The following ARAP1 variants were observed in gnomAD, a reference collection of about 807,000 sequenced individuals.
The protein encoded by ARAP1 is ArfGAP with RhoGAP domain, ankyrin repeat and PH domain 1, also known as arf-GAP with Rho-GAP domain, ANK repeat and PH domain-containing protein 1.
In ARAP1, 76 loss-of-function variants were observed where a neutral mutation model predicts 172.2. That is an observed-to-expected ratio of 0.44 (90% CI 0.37 to 0.53). The LOEUF (loss-of-function observed/expected upper bound fraction) is 0.53, where lower values mean the gene tolerates loss of function less well. Ranked by LOEUF, ARAP1 falls within the 20% of genes least tolerant of loss-of-function variation. The pLI, the probability that ARAP1 is intolerant of heterozygous loss-of-function variation, is 0.00. For missense variants in ARAP1, 1,686 were observed against 1,977.5 expected (o/e 0.85, Z 2.80); for synonymous variants, 804 against 803.3 (o/e 1.00, Z -0.01).
At chr11:72,703,138 G>T in intron 14 of ARAP1, 59 bp from the exon 15 acceptor site, 1 of 1,454,896 alleles carries the variant, frequency 6.9e-7, no homozygotes, top group Non-Finnish European at 9.1e-7. Flanking sequence ...CAAGGAAAGG[G>T]GCTACGGGGG....
At chr11:72,715,321 C>T (rs1346710487) in intron 3 of ARAP1, among the ~76,000 whole-genome samples, 1 of 152,102 alleles carries the variant, frequency 6.6e-6, no homozygotes, top group Admixed American at 6.5e-5. Flanking sequence ...CCAGCTGTCT[C>T]TGCCAGTGCC....
intron 1 of ARAP1, among the ~76,000 whole-genome samples, chr11:72,747,427 C>T (rs1323182563): frequency 2.6e-5 from 4 of 152,130 alleles, no homozygotes; most frequent in Non-Finnish European, 5.9e-5. Flanking sequence ...GTAGCAAAGC[C>T]CCAGCATCCC....
chr11:72,692,963 T>C, intron 29 of ARAP1, 178 bp from the exon 30 acceptor site: 1 of 786,558 alleles, frequency 1.3e-6, no homozygotes, highest in Non-Finnish European at 2.1e-6. Context: ...GGGAGAAGGG[T>C]GGCCCGGGAG....
intron 1 of ARAP1, among the ~76,000 whole-genome samples, chr11:72,737,557 T>A (rs1271395934): frequency 2.6e-5 from 4 of 151,824 alleles, no homozygotes; most frequent in South Asian, 2.1e-4. Flanking sequence ...CTTCCTTCTT[T>A]CCCTAAATGC....
rs778297159 is a variant in ARAP1, at chr11:72,710,390, G to C, written c.1411C>G (p.Leu471Val). The change falls in exon 10 of 35, where the codon CTA becomes GTA. Residue 471 changes from leucine (L) to valine (V), a missense_variant. Physicochemically the swap from Leu to Val is conservative, Grantham distance 32 (BLOSUM62 1). Coordinates refer to ENST00000393609, the MANE Select transcript of ARAP1 (RefSeq NM_001040118.3). This position sits in a 1 kb window ranked among gnomAD's most constrained non-coding sequence, Gnocchi z 4.3. ...VGDKVQLYKN[L>V]EEYHLGIGIT... ...GTTCCATGACCCCTTAGCACCTCTA[G>C]ATTCTTGTAGAGCTGCACTTTGTCC... The C allele has an allele frequency of 7.4e-6, 12 of 1,613,886 alleles. No individual in the cohort carries two copies. In the South Asian group the frequency reaches 1.1e-4, roughly 15 times the overall value.
chr11:72,709,951 G>A lies in ARAP1; in HGVS notation c.1442C>T (p.Thr481Ile), dbSNP rs375471463. Residue 481 changes from threonine to isoleucine, a missense_variant, in exon 11 of 35, where the codon ACC becomes ATC. Physicochemically the swap from Thr to Ile is moderately conservative, Grantham distance 89 (BLOSUM62 -1). Around this residue, in one of 5 missense-constraint regions of ARAP1, gnomAD observed 688 missense variants for 856.9 expected, o/e 0.80. Coordinates refer to ENST00000393609, the MANE Select transcript of ARAP1 (RefSeq NM_001040118.3). ...GTTGCCCACGCTCATGTCGATGAAGGTGATGCCAATGCCCAGGTGGTACTC... is the reference window on the plus strand; with the variant it reads ...GTTGCCCACGCTCATGTCGATGAAGATGATGCCAATGCCCAGGTGGTACTC... ...LEEYHLGIGI[T>I]FIDMSVGNVK... is the part of the protein sequence containing the mutation. 2 of 1,614,022 alleles carry A rather than the reference G, an allele frequency of 1.2e-6. No individual in the cohort carries two copies. The highest frequency in any genetic ancestry group is 1.3e-5 in the African/African-American group (1 of 74,906).
In ARAP1 at chr11:72,693,856, C is replaced by T. The variant is rs746111560; in HGVS notation, c.3695-51G>A. 2 of 1,468,258 alleles carry T rather than the reference C, an allele frequency of 1.4e-6. No homozygotes were observed. Among genetic ancestry groups the T allele is most frequent in the South Asian group, 1.2e-5 (1 of 80,770 alleles). The allele number at this position is 1,468,258 out of a possible 1,614,324, so 91.0% of individuals were successfully genotyped here. A position where few individuals can be genotyped will look rare whatever the true frequency, so the allele number is the denominator to read the frequency against. ...ACTGGGACCACATGGCCCGATACCA[C>T]CAAAGGCTGGCAGATGGGCACATAT... On this transcript the variant is annotated intron_variant, in intron 27 of 34. Coordinates refer to ENST00000393609, the MANE Select transcript of ARAP1 (RefSeq NM_001040118.3). This position sits in a 1 kb window ranked among gnomAD's most constrained non-coding sequence, Gnocchi z 4.6.
intron 1 of ARAP1, among the ~76,000 whole-genome samples, chr11:72,751,466 T>C (rs1166891245): frequency 1.3e-5 from 2 of 152,038 alleles, no homozygotes; most frequent in Admixed American, 6.5e-5. Context: ...CCTGTGATGA[T>C]CTTGCTGGGC....
intron 12 of ARAP1, 21 bp downstream of exon 12, chr11:72,707,154 C>A: frequency 5.9e-6 from 9 of 1,537,458 alleles, no homozygotes; most frequent in Non-Finnish European, 7.0e-6. Context: ...CTGCCTGGTG[C>A]CCCGACCCCC....
chr11:72,692,029 C>T (rs756446545), intron 30 of ARAP1, among the ~76,000 whole-genome samples: 2 of 152,162 alleles, frequency 1.3e-5, no homozygotes, highest in African/African-American at 2.4e-5. Flanking sequence ...AATGCTCACT[C>T]GCCCGATGTT....
chr11:72,709,756 C>T (rs1230144046), intron 11 of ARAP1, 114 bp downstream of exon 11: 26 of 1,084,398 alleles, frequency 2.4e-5, no homozygotes, highest in Admixed American at 3.5e-5. Flanking sequence ...TGGGGCAGGG[C>T]GGGGCAGGGT....
At chr11:72,697,294 G>A (rs1400141416) in intron 21 of ARAP1, 29 bp downstream of exon 21, 2 of 1,574,960 alleles carry the variant, frequency 1.3e-6, no homozygotes, top group Non-Finnish European at 1.7e-6. Context: ...CGGGAGGGGC[G>A]GGGCTGGCAC....
In ARAP1 at chr11:72,699,267, C is replaced by T; in HGVS notation, c.2438+150G>A. ...TGGTGGAAAAGTCTTGGGCTGGGGC[C>T]TCAAGAGACTGGAGTCGGCCCTTGT... On this transcript the variant is annotated intron_variant, in intron 17 of 34. Transcript: ENST00000393609. The surrounding 1 kb of genome is among the most constrained non-coding windows in gnomAD (Gnocchi z 4.2). 7.1e-7 allele frequency: 1 copy of T among 1,408,398 alleles called. No homozygotes were observed. The highest frequency in any genetic ancestry group is 2.1e-4 in the Middle Eastern group (1 of 4,766). The allele number at this position is 1,408,398 out of a possible 1,614,324, so 87.2% of individuals were successfully genotyped here.
chr11:72,730,098 T>A (rs1039919189), intron 2 of ARAP1, among the ~76,000 whole-genome samples: 1 of 152,100 alleles, frequency 6.6e-6, no homozygotes, highest in African/African-American at 2.4e-5. Flanking sequence ...AGGGGATATC[T>A]GCCACTCATA....
chr11:72,702,810 T>G, intron 15 of ARAP1, 95 bp downstream of exon 15: 2 of 1,444,164 alleles, frequency 1.4e-6, no homozygotes, highest in Non-Finnish European at 1.9e-6. Flanking sequence ...CACAGGCCCT[T>G]GAGGAGCTGC....
intron 30 of ARAP1, chr11:72,689,352 C>T (rs1855831843): frequency 6.6e-6 from 1 of 152,274 alleles, no homozygotes; most frequent in South Asian, 2.1e-4. Flanking sequence ...TCCTCCTGCT[C>T]TAGGAGCCAC....
intron 30 of ARAP1, among the ~76,000 whole-genome samples, chr11:72,690,264 C>T (rs941892349): frequency 1.3e-5 from 2 of 152,142 alleles, no homozygotes; most frequent in African/African-American, 4.8e-5. Flanking sequence ...TCAAACCAGG[C>T]TGTGGCTCCA....
intron 15 of ARAP1, 27 bp downstream of exon 15, chr11:72,702,878 T>G: frequency 6.5e-7 from 1 of 1,550,262 alleles, no homozygotes; most frequent in Non-Finnish European, 8.7e-7. Context: ...CACAGCCTGG[T>G]GGACCCCCAC....
At chr11:72,727,747 A>G (rs1174596987) in intron 2 of ARAP1, among the ~76,000 whole-genome samples, 1 of 152,242 alleles carries the variant, frequency 6.6e-6, no homozygotes, top group African/African-American at 2.4e-5. Flanking sequence ...CCAGCATCAC[A>G]TGGCCTCTGG....
Sources: allele counts gnomAD v4.1 joint callset (sites outside exome capture counted in the v4.1 genomes callset), GRCh38; gene constraint gnomAD v4.1.1; regional missense constraint gnomAD v4.1.1; non-coding constraint Gnocchi (gnomAD v3.1); transcripts MANE v1.5; gene names NCBI Gene and HGNC (gene_info 2026-07-23, HGNC 2026-07-21).